Variants in CLCN6 observed in about 807,000 individuals in gnomAD.
CLCN6 encodes H(+)/Cl(-) exchange transporter 6.
A neutral mutation model predicts 109.8 loss-of-function variants in CLCN6; 70 were observed. The ratio of observed to expected loss-of-function variants is 0.64; its 90% CI spans 0.53 to 0.78. The LOEUF (loss-of-function observed/expected upper bound fraction) is 0.78, where lower values mean the gene tolerates loss of function less well. CLCN6 is among the 30% of genes least tolerant of loss of function. The probability of loss-of-function intolerance (pLI) is 0.00; values close to 1 mark genes in which losing one functional copy is unlikely to be tolerated. For synonymous variants in CLCN6, 444 were observed against 447.8 expected, an observed-to-expected ratio of 0.99 and a Z score of 0.11; for missense variants, 984 against 1,142.3, an observed-to-expected ratio of 0.86 and a Z score of 2.00.
Position 11,837,101 on chromosome 1 carries a change from G to A in CLCN6, c.2083G>A (p.Ala695Thr), listed in dbSNP as rs568416833. Reference sequence around the variant, plus strand: ...ACGGAACATGTGTGATGAGCACATCGCCTCTGAGGAGCCAGCCGAGAAGGA... The same window carrying A: ...ACGGAACATGTGTGATGAGCACATCACCTCTGAGGAGCCAGCCGAGAAGGA... ...ELRNMCDEHI[A>T]SEEPAEKEDL... Residue 695 changes from alanine to threonine, a missense_variant, in exon 19 of 23, where the codon GCC becomes ACC. Ala to Thr is a moderately conservative substitution (Grantham distance 58). Coordinates refer to ENST00000346436, the MANE Select transcript of CLCN6 (RefSeq NM_001286.5). 20 of 1,613,316 alleles carry A rather than the reference G, an allele frequency of 1.2e-5. 1 individual carries two copies. The highest frequency in any genetic ancestry group is 8.8e-5 in the South Asian group (8 of 91,088).
At chr1:11,828,996 T>C (rs1644847805) in intron 12 of CLCN6, among the ~76,000 whole-genome samples, 200 bp from the exon 13 acceptor site, 1 of 151,886 alleles carries the variant, frequency 6.6e-6, no homozygotes, top group African/African-American at 2.4e-5. Context: ...AGCAGCCCAC[T>C]TTAACTGTCC....
chr1:11,840,466 C>T lies in CLCN6; in HGVS notation c.*243C>T. 1.7e-6 allele frequency: 1 copy of T among 574,500 alleles called. No homozygotes were observed. The highest frequency in any genetic ancestry group is 3.1e-6 in the Non-Finnish European group (1 of 318,788). 35.6% of individuals were successfully genotyped at this position (574,500 alleles called of 1,614,324 possible). A position where few individuals can be genotyped will look rare whatever the true frequency, so the allele number is the denominator to read the frequency against. On this transcript the variant is annotated 3_prime_UTR_variant, in exon 23 of 23. Transcript: ENST00000346436. ...TCCCACTTCCTGCTCCCTGTGTTCC[C>T]ACCCTCCAGTGTTGGCACAGGCCCA... is the stretch of plus-strand genomic sequence containing the variant.
intron 4 of CLCN6, among the ~76,000 whole-genome samples, chr1:11,816,949 G>A (rs1010286203): frequency 6.6e-6 from 1 of 151,762 alleles, no homozygotes; most frequent in Non-Finnish European, 1.5e-5. Flanking sequence ...CTCTTGAAGC[G>A]CTCAAAGGTT....
chr1:11,810,841 GGAT>G (rs1434510037), intron 2 of CLCN6, among the ~76,000 whole-genome samples: 3 of 152,144 alleles, frequency 2.0e-5, no homozygotes, highest in Admixed American at 1.3e-4. Flanking sequence ...CAAGGCAGGA[GGAT>G]CGCTTAAAGC....
chr1:11,811,098 CT>C (rs1224951623), intron 2 of CLCN6, among the ~76,000 whole-genome samples: 1 of 151,986 alleles, frequency 6.6e-6, no homozygotes, highest in Non-Finnish European at 1.5e-5. Context: ...GTGGTCCCCC[CT>C]ACTCAGGAGA....
chr1:11,816,445 C>A (rs2100616007), intron 3 of CLCN6, among the ~76,000 whole-genome samples, 170 bp from the exon 4 acceptor site: 1 of 152,344 alleles, frequency 6.6e-6, no homozygotes, highest in South Asian at 2.1e-4. Flanking sequence ...TGCCCAGCCT[C>A]TTAAGAGTCC....
At chr1:11,821,977 C>T (rs1003332903) in intron 5 of CLCN6, among the ~76,000 whole-genome samples, 1 of 152,136 alleles carries the variant, frequency 6.6e-6, no homozygotes, top group African/African-American at 2.4e-5. Flanking sequence ...GAGCAAGTTA[C>T]AGAATATACA....
Position 11,836,999 on chromosome 1 carries a change from A to G in CLCN6, c.1981A>G (p.Lys661Glu). The G allele has an allele frequency of 6.2e-7, 1 of 1,608,738 alleles. No individual in the cohort carries two copies. Among genetic ancestry groups the G allele is most frequent in the Non-Finnish European group, 8.5e-7 (1 of 1,180,006 alleles). The change falls in exon 19 of 23, where the codon AAA becomes GAA. Residue 661 changes from lysine (K) to glutamate (E), a missense_variant and splice_region_variant. Physicochemically the swap from Lys to Glu is moderately conservative, Grantham distance 56 (BLOSUM62 1). Transcript: ENST00000346436. ...QLISNNIKFK[K>E]SSILTRAGEQ... ...TAGCCTGTGGCCTCCCCACCCACAGAAATCCAGCATCCTCACCCGGGCTGG... is the reference window on the plus strand; with the variant it reads ...TAGCCTGTGGCCTCCCCACCCACAGGAATCCAGCATCCTCACCCGGGCTGG...
At chr1:11,811,960 C>T (rs778329448) in intron 2 of CLCN6, among the ~76,000 whole-genome samples, 79 of 152,152 alleles carry the variant, frequency 5.2e-4, no homozygotes, top group Non-Finnish European at 8.7e-4. Flanking sequence ...GCACCACTCG[C>T]GGAACACTGC....
intron 3 of CLCN6, among the ~76,000 whole-genome samples, chr1:11,816,342 C>G (rs1193667413): frequency 6.6e-6 from 1 of 152,166 alleles, no homozygotes; most frequent in Non-Finnish European, 1.5e-5. Flanking sequence ...TGGTCTAGAA[C>G]CAAACCCATG....
At chr1:11,822,946 A>C in intron 6 of CLCN6, 145 bp downstream of exon 6, 1 of 610,538 alleles carries the variant, frequency 1.6e-6, no homozygotes, top group East Asian at 2.8e-5. Context: ...TAAAGGTTTC[A>C]CCTCTGGTGA....
chr1:11,836,108 G>T lies in CLCN6; in HGVS notation c.1935G>T (p.Glu645Asp), dbSNP rs1644940900. 6.2e-7 allele frequency: 1 copy of T among 1,613,686 alleles called. No homozygotes were observed. The highest frequency in any genetic ancestry group is 8.5e-7 in the Non-Finnish European group (1 of 1,179,906). ...CAGAGAACCGCGGTAACGAGAAGGA[G>T]TTCATGAAGGGCAACCAGCTCATCA... Reference protein sequence around the residue: ...VVTENRGNEKEFMKGNQLISN... With the variant: ...VVTENRGNEKDFMKGNQLISN... Residue 645 changes from glutamate (E) to aspartate (D), a missense_variant, in exon 18 of 23, where the codon GAG becomes GAT. Transcript: ENST00000346436.
rs577734445 is a variant in CLCN6 at position 11,816,550 on chromosome 1, A to T, written c.214-65A>T. 50 of 1,452,288 alleles carry T rather than the reference A, an allele frequency of 3.4e-5. No homozygotes were observed. The Admixed American group carries it at 9.3e-4, about 27-fold the overall frequency. 90.0% of individuals were successfully genotyped at this position (1,452,288 alleles called of 1,614,324 possible). ...TTTAGCTTAAAACTGGTTGGCCAAGATGTATTTCTTCCCCTCTGCCACCAT... is the reference window on the plus strand; with the variant it reads ...TTTAGCTTAAAACTGGTTGGCCAAGTTGTATTTCTTCCCCTCTGCCACCAT... On this transcript the variant is annotated intron_variant, in intron 3 of 22. Coordinates refer to ENST00000346436, the MANE Select transcript of CLCN6 (RefSeq NM_001286.5).
Position 11,834,047 on chromosome 1 carries a change from CGT to C in CLCN6, c.1526+25_1526+26del, listed in dbSNP as rs762774629. The C allele has an allele frequency of 2.5e-6, 4 of 1,611,780 alleles. No homozygotes were observed. The highest frequency in any genetic ancestry group is 1.7e-6 in the Non-Finnish European group (2 of 1,178,786). The stretch of plus-strand genomic sequence containing the variant: ...CCTAAAAAGGTACTCTGTGTGTGTG[CGT>C]GTGTGTGCGCATGTGCATGTGTGTG... On this transcript the variant is annotated intron_variant, in intron 15 of 22. Coordinates refer to ENST00000346436, the MANE Select transcript of CLCN6 (RefSeq NM_001286.5). The surrounding 1 kb of genome is among the most constrained non-coding windows in gnomAD (Gnocchi z 4.5).
At chr1:11,812,055 A>G (rs572286488) in intron 2 of CLCN6, among the ~76,000 whole-genome samples, 2 of 152,230 alleles carry the variant, frequency 1.3e-5, no homozygotes, top group East Asian at 3.9e-4. Flanking sequence ...TGGAGGTTGC[A>G]GTGAACCGAG....
chr1:11,833,312 C>T (rs1025968001), intron 13 of CLCN6, among the ~76,000 whole-genome samples: 3 of 152,144 alleles, frequency 2.0e-5, no homozygotes, highest in African/African-American at 4.8e-5. Flanking sequence ...AAAAGGCCCT[C>T]ATCCCGATTC....
chr1:11,827,144 G>A lies in CLCN6; in HGVS notation c.763G>A (p.Gly255Arg), dbSNP rs750671843. ...GAAAGVAAAF[G>R]APIGGTLFSL... ...GGCTGCTGGAGTTGCTGCAGCTTTC[G>A]GGGCGCCAATCGGGGGTACCTTGTT... Residue 255 changes from glycine (G) to arginine (R), a missense_variant, in exon 10 of 23, where the codon GGG (glycine) becomes AGG (arginine). Physicochemically the swap from Gly to Arg is moderately radical, Grantham distance 125. Transcript: ENST00000346436. The A allele has an allele frequency of 4.3e-6, 7 of 1,613,876 alleles. No individual in the cohort carries two copies. The highest frequency in any genetic ancestry group is 1.1e-5 in the South Asian group (1 of 91,058).
At chr1:11,811,208 CAA>C (rs1308591375) in intron 2 of CLCN6, among the ~76,000 whole-genome samples, 1 of 143,874 alleles carries the variant, frequency 7.0e-6, no homozygotes, top group African/African-American at 2.6e-5. Context: ...GAGACCCTGA[CAA>C]AAAAAAAAGG....
At chr1:11,815,202 G>A (rs976168556) in intron 2 of CLCN6, among the ~76,000 whole-genome samples, 2 of 152,080 alleles carry the variant, frequency 1.3e-5, no homozygotes, top group Non-Finnish European at 2.9e-5. Context: ...CATATCTAAT[G>A]GAGTAAGTTT....
Sources: allele counts gnomAD v4.1 joint callset (sites outside exome capture counted in the v4.1 genomes callset), GRCh38; gene constraint gnomAD v4.1.1; non-coding constraint Gnocchi (gnomAD v3.1); transcripts MANE v1.5; gene names NCBI Gene and HGNC (gene_info 2026-07-23, HGNC 2026-07-21).